The following ELAVL2 variants were observed in gnomAD, a reference collection of about 807,000 sequenced individuals.
ELAVL2 encodes ELAV-like protein 2.
Under a neutral mutation model 34.6 loss-of-function variants are expected in ELAVL2, and 4 were observed. The ratio of observed to expected loss-of-function variants is 0.12; its 90% confidence interval spans 0.06 to 0.26. The LOEUF is 0.26. Ranked by LOEUF, ELAVL2 falls within the 10% of genes least tolerant of loss-of-function variation. ELAVL2 has a pLI of 1.00. For missense variants in ELAVL2, 432 were observed against 442.8 expected (o/e 0.98, Z 0.22); for synonymous variants, 193 against 154.8 (o/e 1.25, Z -1.83).
intron 1 of ELAVL2, among the ~76,000 whole-genome samples, chr9:23,803,747 G>T (rs1236760667): frequency 6.6e-6 from 1 of 152,152 alleles, no homozygotes; most frequent in South Asian, 2.1e-4. Context: ...GTTGCGGGTG[G>T]GGTGGGGGGA....
At chr9:23,840,714 T>C in the ELAVL2 span, among the ~76,000 whole-genome samples, 2 of 152,180 alleles carry the variant, frequency 1.3e-5, no homozygotes, top group Admixed American at 6.6e-5. Flanking sequence ...CCCCGGGAAA[T>C]TGCAGTCATT....
chr9:23,731,667 G>C (rs1276269189), intron 2 of ELAVL2, among the ~76,000 whole-genome samples: 1 of 152,192 alleles, frequency 6.6e-6, no homozygotes, highest in East Asian at 1.9e-4. Context: ...TTTTAGACGA[G>C]GGCTTATCTT....
At chr9:23,704,896 T>TC in intron 4 of ELAVL2, 22 bp downstream of exon 4, 1 of 1,613,482 alleles carries the variant, frequency 6.2e-7, no homozygotes, top group Non-Finnish European at 8.5e-7. Context: ...GGAAAGACTG[T>TC]CCGGAGTGGC....
chr9:23,707,147 G>A (rs749986850), intron 3 of ELAVL2, among the ~76,000 whole-genome samples: 2 of 152,076 alleles, frequency 1.3e-5, no homozygotes, highest in South Asian at 4.2e-4. Context: ...ATGAAGACTG[G>A]GGAACTTAAA....
intron 1 of ELAVL2, among the ~76,000 whole-genome samples, chr9:23,797,281 A>G (rs1201541018): frequency 6.6e-6 from 1 of 152,252 alleles, no homozygotes; most frequent in African/African-American, 2.4e-5. Context: ...TACAACCAGT[A>G]AAGGCACTAC....
intron 1 of ELAVL2, among the ~76,000 whole-genome samples, chr9:23,786,324 T>C (rs796375938): frequency 3.2e-4 from 48 of 152,278 alleles, no homozygotes; most frequent in African/African-American, 1.1e-3. Flanking sequence ...AGATAAACTA[T>C]ATAGGCTCAG....
intron 1 of ELAVL2, among the ~76,000 whole-genome samples, chr9:23,796,810 G>A (rs1030210278): frequency 2.0e-5 from 3 of 152,020 alleles, no homozygotes; most frequent in Non-Finnish European, 4.4e-5. Context: ...CTTGCCCTTC[G>A]TCCTTTGTAT....
intron 2 of ELAVL2, among the ~76,000 whole-genome samples, chr9:23,733,483 A>G (rs562998879): frequency 1.3e-5 from 2 of 152,304 alleles, no homozygotes; most frequent in East Asian, 3.9e-4. Flanking sequence ...TGGGGCTACA[A>G]CGGGGCTGCT....
chr9:23,748,277 G>C (rs558699229), intron 2 of ELAVL2, among the ~76,000 whole-genome samples: 2 of 152,194 alleles, frequency 1.3e-5, no homozygotes, highest in East Asian at 3.9e-4. Flanking sequence ...TTGAGGAATG[G>C]CTTTCTGCCA....
In ELAVL2 at chr9:23,692,569, C is replaced by G; in HGVS notation, c.1068G>C (p.Thr356=). 1 of 1,612,144 alleles carries G rather than the reference C, an allele frequency of 6.2e-7. No individual in the cohort carries two copies. The highest frequency in any genetic ancestry group is 8.5e-7 in the Non-Finnish European group (1 of 1,178,504). The part of the protein sequence containing the change: ...VLQVSFKTNK[T]HKA ...GGACAAGAGCTCATTAGGCTTTGTG[C>G]GTTTTGTTTGTCTTAAAGGAGACCT... The change falls in exon 7 of 7, where the codon ACG becomes ACC. Residue 356 remains threonine, a synonymous_variant. Transcript: ENST00000397312.
rs527718060 is a variant in ELAVL2 at position 23,723,256 on chromosome 9, T to C, written c.333+7766A>G. Among the ~76,000 whole-genome samples the C allele has an allele frequency of 6.6e-5, 10 of 152,022 alleles. No individual in the cohort carries two copies. The South Asian group carries it at 1.5e-3, about 22-fold the overall frequency. On this transcript the variant is annotated intron_variant, in intron 3 of 6. Coordinates refer to ENST00000397312, the MANE Select transcript of ELAVL2 (RefSeq NM_004432.5). ...CTATGCAGCCATAAAAAATGATGAG[T>C]TCATGTCCTTTGTAGGGACATGGAT...
At chr9:23,836,783 A>G in the ELAVL2 span, among the ~76,000 whole-genome samples, 2 of 152,120 alleles carry the variant, frequency 1.3e-5, no homozygotes, top group African/African-American at 2.4e-5. Context: ...TGGGCTACAA[A>G]GCATAGGAAA....
intron 2 of ELAVL2, among the ~76,000 whole-genome samples, chr9:23,754,280 T>C (rs1471832176): frequency 2.0e-5 from 3 of 152,126 alleles, no homozygotes; most frequent in African/African-American, 7.2e-5. Flanking sequence ...TATCCTCAAA[T>C]AGATGTTTCT....
chr9:23,836,066 C>T, the ELAVL2 span, among the ~76,000 whole-genome samples: 3,170 of 152,202 alleles, frequency 0.021, 123 homozygotes, highest in African/African-American at 0.072. Flanking sequence ...TCACACTAAC[C>T]CCTCTTAACT....
At chr9:23,718,116 T>A (rs2042776395) in intron 3 of ELAVL2, among the ~76,000 whole-genome samples, 1 of 152,078 alleles carries the variant, frequency 6.6e-6, no homozygotes, top group Non-Finnish European at 1.5e-5. Context: ...CCCTAAGGGG[T>A]GGGAAGTCTT....
chr9:23,714,655 T>A (rs1353341344), intron 3 of ELAVL2, among the ~76,000 whole-genome samples: 1 of 152,194 alleles, frequency 6.6e-6, no homozygotes. Flanking sequence ...AAATGAGCGA[T>A]TCTTTTGGAT....
chr9:23,734,435 A>C (rs2047333961), intron 2 of ELAVL2, among the ~76,000 whole-genome samples: 1 of 152,180 alleles, frequency 6.6e-6, no homozygotes, highest in Non-Finnish European at 1.5e-5. Flanking sequence ...ACAAATCAAA[A>C]AGGCAGGGAG....
Position 23,773,072 on chromosome 9 carries a change from T to C in ELAVL2, c.-15-10823A>G, listed in dbSNP as rs1354819209. Reference sequence around the variant, plus strand: ...TTTACTACATTTCAAGAAAAAAAAGTGGGGGAGGGGGAGAATTTACATTCA... The same window carrying C: ...TTTACTACATTTCAAGAAAAAAAAGCGGGGGAGGGGGAGAATTTACATTCA... On this transcript the variant is annotated intron_variant, in intron 1 of 6. Transcript: ENST00000397312. Among the ~76,000 whole-genome samples, 3 of 152,036 alleles carry C rather than the reference T, an allele frequency of 2.0e-5. No individual in the cohort carries two copies. The East Asian group carries it at 5.8e-4, about 29-fold the overall frequency.
the ELAVL2 span, chr9:23,831,660 T>C: frequency 0.22 from 32,765 of 152,234 alleles, 4,013 homozygotes; most frequent in Non-Finnish European, 0.26. Flanking sequence ...GAAGCCCAGA[T>C]CCTGCTCCAT....
Sources: gnomAD v4.1 joint callset for allele counts (sites outside exome capture counted in the v4.1 genomes callset) on GRCh38, gnomAD v4.1.1 for gene constraint, MANE v1.5 for transcripts, NCBI Gene and HGNC (gene_info 2026-07-23, HGNC 2026-07-21) for gene names.